The following GLOD4 variants were observed in gnomAD, a reference collection of about 807,000 sequenced individuals.
GLOD4 encodes the protein glyoxalase domain containing 4, also known as glyoxalase domain-containing protein 4.
Under a neutral mutation model 39.1 loss-of-function variants are expected in GLOD4, and 44 were observed. The observed-to-expected ratio is 1.13, with a 90% CI of 0.88 to 1.45. GLOD4 has a LOEUF of 1.45. GLOD4 is among the 40% of genes most tolerant of loss of function. GLOD4 has a pLI of 0.00. For missense variants in GLOD4, 405 were observed against 366.4 expected, an observed-to-expected ratio of 1.11 and a Z score of -0.86; for synonymous variants, 145 against 135.0, an observed-to-expected ratio of 1.07 and a Z score of -0.52.
At chr17:767,275 A>G (rs568267043) in intron 8 of GLOD4, among the ~76,000 whole-genome samples, 4 of 152,372 alleles carry the variant, frequency 2.6e-5, no homozygotes, top group African/African-American at 4.8e-5. Context: ...CGTCTAGTAC[A>G]TGCCAGGTAT....
At chr17:780,413 C>T (rs1909685034) in intron 1 of GLOD4, among the ~76,000 whole-genome samples, 11 of 152,202 alleles carry the variant, frequency 7.2e-5, no homozygotes, top group Admixed American at 7.2e-4. Context: ...AACTAAGCAA[C>T]CTCAACTAAA....
At chr17:763,474 T>G (rs1316893153) in intron 8 of GLOD4, 1 of 152,128 alleles carries the variant, frequency 6.6e-6, no homozygotes, top group Non-Finnish European at 1.5e-5. Context: ...TGAGCTGAGA[T>G]CACACCACTG....
intron 4 of GLOD4, among the ~76,000 whole-genome samples, chr17:774,297 C>G (rs1192276292): frequency 6.6e-6 from 1 of 152,140 alleles, no homozygotes; most frequent in Admixed American, 6.5e-5. Flanking sequence ...ATGGGGGCAT[C>G]GGGGACAGGA....
upstream of GLOD4, chr17:782,345 G>GACGGGTGA (rs756965741): frequency 1.3e-5 from 21 of 1,612,474 alleles, no homozygotes; most frequent in Non-Finnish European, 1.7e-5. Flanking sequence ...CGCCGACGGC[G>GACGGGTGA]CGCTTTCGTG....
At position 775,883 on chromosome 17, in the gene GLOD4, C is replaced by T. The variant is rs752814764; in HGVS notation, c.298G>A (p.Ala100Thr). 2.8e-5 allele frequency: 45 copies of T among 1,613,140 alleles called. 1 individual carries two copies. In the East Asian group the frequency reaches 3.1e-4, roughly 11 times the overall value. ...GTCAGTGGCCACTCCAGCTTCCTGG[C>T]GTTGCTGACAGCCTGGCTAGAAGCG... ...TLASSQAVSN[A>T]RKLEWPLTEV... Residue 100 changes from alanine to threonine, a missense_variant, in exon 4 of 9, where the codon GCC becomes ACC. Physicochemically the swap from Ala to Thr is moderately conservative, Grantham distance 58. Coordinates refer to ENST00000301329, the MANE Select transcript of GLOD4 (RefSeq NM_016080.4).
At chr17:782,292 A>C (rs1178695632), upstream of GLOD4, 1 of 1,611,748 alleles carries the variant, frequency 6.2e-7, no homozygotes, top group Admixed American at 1.7e-5. Context: ...CGCACCGTAC[A>C]GCCCAGTCCA....
chr17:764,018 C>T (rs529096910), intron 8 of GLOD4: 4 of 152,234 alleles, frequency 2.6e-5, no homozygotes, highest in African/African-American at 4.8e-5. Context: ...GTACTCTCTT[C>T]GGTTGTGCAT....
At chr17:777,528 C>A (rs745917520) in intron 2 of GLOD4, 1 of 152,936 alleles carries the variant, frequency 6.5e-6, no homozygotes, top group East Asian at 1.9e-4. Context: ...CATAGTCCCA[C>A]GTACTAGGGA....
Position 769,946 on chromosome 17 carries a change from C to T in GLOD4, c.754G>A (p.Glu252Lys). 6.2e-7 allele frequency: 1 copy of T among 1,609,148 alleles called. No individual in the cohort carries two copies. Among genetic ancestry groups the T allele is most frequent in the Non-Finnish European group, 8.5e-7 (1 of 1,175,426 alleles). Residue 252 changes from glutamate (E) to lysine (K), a missense_variant, in exon 8 of 9, where the codon GAA becomes AAA. Physicochemically the swap from Glu to Lys is moderately conservative, Grantham distance 56. Coordinates refer to ENST00000301329, the MANE Select transcript of GLOD4 (RefSeq NM_016080.4). ...GCTTCATCCCCGACAAAGCAAATTT[C>T]ATGTCCGTCCTACACCAATAAAGAG... ...VVILADPDGHEICFVGDEAFR... is the reference protein window; with the variant it reads ...VVILADPDGHKICFVGDEAFR...
At chr17:778,253 C>T (rs1909284863) in intron 2 of GLOD4, 3 of 260,810 alleles carry the variant, frequency 1.2e-5, no homozygotes, top group Non-Finnish European at 1.4e-5. Flanking sequence ...TGTAGTTGGT[C>T]ATCGGAAATC....
intron 4 of GLOD4, among the ~76,000 whole-genome samples, chr17:775,181 G>T (rs1021915599): frequency 6.6e-6 from 1 of 151,540 alleles, no homozygotes; most frequent in Non-Finnish European, 1.5e-5. Context: ...TGAGGAAGGA[G>T]AATTGCTTGA....
At chr17:768,518 A>G (rs1567790521) in intron 8 of GLOD4, among the ~76,000 whole-genome samples, 5 of 140,822 alleles carry the variant, frequency 3.6e-5, no homozygotes, top group African/African-American at 1.1e-4. Context: ...AACAGCGCGC[A>G]CTCAGATTTT....
Position 770,440 on chromosome 17 carries a change from A to G in GLOD4, c.611T>C (p.Phe204Ser). The G allele has an allele frequency of 6.4e-7, 1 of 1,568,744 alleles. No individual in the cohort carries two copies. Reference protein sequence around the residue: ...DHAAAFGRIAFSCPQKELPDL... With the variant: ...DHAAAFGRIASSCPQKELPDL... The stretch of plus-strand genomic sequence containing the variant: ...CGTTACCTCTTTCTGGGGGCAAGAG[A>G]AGGCAATTCTTCCAAAAGCTGCTGC... Residue 204 changes from phenylalanine (F) to serine (S), a missense_variant, in exon 6 of 9, where the codon TTC becomes TCC. Physicochemically the swap from Phe to Ser is radical, Grantham distance 155. Transcript: ENST00000301329.
rs529154159 is a variant in GLOD4 at position 761,507 on chromosome 17, CT to C, written c.832-1270del. Among the ~76,000 whole-genome samples, 466 of 152,260 alleles carry C rather than the reference CT, an allele frequency of 3.1e-3. 1 individual carries two copies. The highest frequency in any genetic ancestry group is 5.3e-3 in the Non-Finnish European group (359 of 68,000). The stretch of plus-strand genomic sequence containing the variant: ...AAATTATTTGGAGAACCTAAGAAAG[CT>C]TTTTTTCTTTTTTGAAATGGAGTTT... On this transcript the variant is annotated intron_variant, in intron 8 of 8. Coordinates refer to ENST00000301329, the MANE Select transcript of GLOD4 (RefSeq NM_016080.4).
At chr17:779,465 A>G (rs1461757109) in intron 1 of GLOD4, among the ~76,000 whole-genome samples, 2 of 150,466 alleles carry the variant, frequency 1.3e-5, no homozygotes, top group African/African-American at 4.9e-5. Context: ...CCCCATCTCT[A>G]CTAAAAATAT....
At chr17:782,389 T>C (rs1214946889), upstream of GLOD4, 1 of 1,613,676 alleles carries the variant, frequency 6.2e-7, no homozygotes, top group Admixed American at 1.7e-5. Flanking sequence ...ATGGCGGCGC[T>C]GGTGAGACCC....
chr17:760,969 C>T (rs185841302), intron 8 of GLOD4, among the ~76,000 whole-genome samples: 1 of 152,278 alleles, frequency 6.6e-6, no homozygotes, highest in Non-Finnish European at 1.5e-5. Flanking sequence ...AATACAAAGC[C>T]TTAACAATAA....
intron 8 of GLOD4, among the ~76,000 whole-genome samples, chr17:766,795 AGGCCGAGGCAGAAGAATCGCTTG>A (rs1906645340): frequency 1.3e-5 from 2 of 152,196 alleles, no homozygotes; most frequent in Non-Finnish European, 2.9e-5. Context: ...GCTCCTTGGG[AGGCCGAGGCAGAAGAATCGCTTG>A]ACCCTGGGAG....
Position 776,870 on chromosome 17 carries a change from T to G in GLOD4, c.259A>C (p.Met87Leu). The change falls in exon 3 of 9, where the codon ATG becomes CTG. Residue 87 changes from methionine (M) to leucine (L), a missense_variant and splice_region_variant. Met to Leu is a conservative substitution (Grantham distance 15). Coordinates refer to ENST00000301329, the MANE Select transcript of GLOD4 (RefSeq NM_016080.4). Reference protein sequence around the residue: ...VGDYKLGNDFMGITLASSQAV... With the variant: ...VGDYKLGNDFLGITLASSQAV... Reference sequence around the variant, plus strand: ...TGCTAGAAAAAAACGGTATTTACCATAAAGTCATTGCCAAGCTTGTAGTCT... The same window carrying G: ...TGCTAGAAAAAAACGGTATTTACCAGAAAGTCATTGCCAAGCTTGTAGTCT... 1 of 1,613,058 alleles carries G rather than the reference T, an allele frequency of 6.2e-7. No individual in the cohort carries two copies. The highest frequency in any genetic ancestry group is 8.5e-7 in the Non-Finnish European group (1 of 1,179,030).
Sources: gnomAD v4.1 joint callset for allele counts (sites outside exome capture counted in the v4.1 genomes callset) on GRCh38, gnomAD v4.1.1 for gene constraint, MANE v1.5 for transcripts, NCBI Gene and HGNC (gene_info 2026-07-23, HGNC 2026-07-21) for gene names.